Variants in TANGO6 observed in about 807,000 individuals in gnomAD.
The protein encoded by TANGO6 is transport and Golgi organization protein 6 homolog.
In TANGO6, 90 loss-of-function variants were observed where a neutral mutation model predicts 114.2. That is an observed-to-expected ratio of 0.79 (90% confidence interval 0.66 to 0.94). The LOEUF (loss-of-function observed/expected upper bound fraction) is 0.94, where lower values mean the gene tolerates loss of function less well. Ranked by LOEUF, TANGO6 falls within the 40% of genes least tolerant of loss-of-function variation. TANGO6 has a pLI of 0.00. For missense variants in TANGO6, 1,274 were observed against 1,315.3 expected, an observed-to-expected ratio of 0.97 and a Z score of 0.49; for synonymous variants, 477 against 509.8, an observed-to-expected ratio of 0.94 and a Z score of 0.87.
chr16:68,959,373 G>T (rs1963566149), intron 14 of TANGO6, among the ~76,000 whole-genome samples: 1 of 152,078 alleles, frequency 6.6e-6, no homozygotes, highest in African/African-American at 2.4e-5. Context: ...TGGATCATGA[G>T]GTCAGGAGTT....
chr16:68,899,536 A>T lies in TANGO6; in HGVS notation c.1378-898A>T, dbSNP rs374998657. Reference sequence around the variant, plus strand: ...TTTTTTTTTAATTTTTTTCATAGGCAGTAGTCAACATCCTCACACACTTAA... The same window carrying T: ...TTTTTTTTTAATTTTTTTCATAGGCTGTAGTCAACATCCTCACACACTTAA... On this transcript the variant is annotated intron_variant, in intron 7 of 17. Transcript: ENST00000261778. Among the ~76,000 whole-genome samples, 46 of 151,388 alleles carry T rather than the reference A, an allele frequency of 3.0e-4. 1 individual carries two copies. Among genetic ancestry groups the T allele is most frequent in the African/African-American group, 1.0e-3 (43 of 41,186 alleles).
intron 7 of TANGO6, among the ~76,000 whole-genome samples, chr16:68,887,231 C>T (rs1029157683): frequency 1.2e-4 from 18 of 152,182 alleles, no homozygotes; most frequent in Non-Finnish European, 2.9e-5. Flanking sequence ...CTTGGTGCCT[C>T]ACTTGGCATT....
chr16:68,886,957 G>A (rs891813770), intron 7 of TANGO6, among the ~76,000 whole-genome samples: 1 of 151,918 alleles, frequency 6.6e-6, no homozygotes, highest in African/African-American at 2.4e-5. Context: ...ACAGGCGCCA[G>A]CCACCACACC....
At chr16:69,059,436 C>T (rs1056848781) in intron 17 of TANGO6, among the ~76,000 whole-genome samples, 1 of 151,858 alleles carries the variant, frequency 6.6e-6, no homozygotes, top group African/African-American at 2.4e-5. Flanking sequence ...GAACTCCTGA[C>T]CTTAGGTGTT....
At chr16:69,014,356 GC>G (rs1157515711) in intron 15 of TANGO6, among the ~76,000 whole-genome samples, 2 of 150,222 alleles carry the variant, frequency 1.3e-5, no homozygotes, top group South Asian at 4.2e-4. Flanking sequence ...GAGTCTTCTA[GC>G]AGACTTTCCT....
chr16:69,004,292 C>T (rs1319829906), intron 15 of TANGO6, among the ~76,000 whole-genome samples: 1 of 151,962 alleles, frequency 6.6e-6, no homozygotes, highest in Non-Finnish European at 1.5e-5. Flanking sequence ...AAACTCTAGT[C>T]ATGAGATAGT....
chr16:69,080,895 T>C (rs1960454590), intron 17 of TANGO6, among the ~76,000 whole-genome samples: 1 of 152,048 alleles, frequency 6.6e-6, no homozygotes, highest in South Asian at 2.1e-4. Flanking sequence ...TCCCAGCACT[T>C]TGGGAGGCCG....
chr16:68,925,307 C>T (rs1052808386), intron 12 of TANGO6, among the ~76,000 whole-genome samples: 3 of 151,998 alleles, frequency 2.0e-5, no homozygotes, highest in Admixed American at 2.0e-4. Context: ...AAGACTCTGT[C>T]TCAAAAAAAA....
Position 69,083,632 on chromosome 16 carries a change from C to T in TANGO6, c.3256C>T (p.Leu1086=), listed in dbSNP as rs116252558. 1 of 1,569,370 alleles carries T rather than the reference C, an allele frequency of 6.4e-7. No individual in the cohort carries two copies. Among genetic ancestry groups the T allele is most frequent in the African/African-American group, 1.4e-5 (1 of 73,998 alleles). The stretch of plus-strand genomic sequence containing the variant: ...AAACTTCCTGTTCCCTCCACAGAAG[C>T]TGGAGAAGAAGATCATGGTCCTGCC... ...MKNFLFPPQK[L]EKKIMVLP Residue 1086 remains leucine, a synonymous_variant, in exon 18 of 18, where the codon CTG becomes TTG. Coordinates refer to ENST00000261778, the MANE Select transcript of TANGO6 (RefSeq NM_024562.2).
chr16:69,032,448 A>G (rs1013055868), intron 16 of TANGO6, among the ~76,000 whole-genome samples: 7 of 151,860 alleles, frequency 4.6e-5, no homozygotes, highest in Non-Finnish European at 1.0e-4. Context: ...TTCTATTTTT[A>G]GTAGAGGCAG....
intron 17 of TANGO6, among the ~76,000 whole-genome samples, chr16:69,042,363 A>G (rs982580746): frequency 2.7e-4 from 41 of 152,138 alleles, no homozygotes; most frequent in African/African-American, 9.2e-4. Context: ...CCTGGCCAAC[A>G]TGGTGAAACC....
chr16:68,919,589 T>A (rs1963060796), intron 12 of TANGO6, among the ~76,000 whole-genome samples: 1 of 152,202 alleles, frequency 6.6e-6, no homozygotes, highest in African/African-American at 2.4e-5. Context: ...CCTCAACTGG[T>A]TGCATAGGAT....
At chr16:69,067,518 CAAAAAAAAAAA>C (rs1199698790) in intron 17 of TANGO6, among the ~76,000 whole-genome samples, 1 of 43,712 alleles carries the variant, frequency 2.3e-5, no homozygotes, top group African/African-American at 9.8e-5. Flanking sequence ...AACTCCATCT[CAAAAAAAAAAA>C]AAAAAAAACG....
intron 17 of TANGO6, among the ~76,000 whole-genome samples, chr16:69,067,937 C>CA (rs1217551130): frequency 0.045 from 2,984 of 66,448 alleles, 61 homozygotes; most frequent in Non-Finnish European, 0.05. Context: ...AACTCTGTCT[C>CA]AAAAAAAAAA....
intron 9 of TANGO6, among the ~76,000 whole-genome samples, chr16:68,905,877 T>C (rs1466326474): frequency 6.6e-6 from 1 of 151,578 alleles, no homozygotes; most frequent in African/African-American, 2.4e-5. Context: ...GTCTCAAAAA[T>C]TAAAAAAGAA....
At position 69,079,950 on chromosome 16, in the gene TANGO6, G is replaced by GTGGCTTA. The variant is rs563662994; in HGVS notation, c.3109-3532_3109-3526dup. ...CAGAATGCATATTGCACTGGGCACA[G>GTGGCTTA]TGGCTTATGCCTCTAATCTTGACTA... On this transcript the variant is annotated intron_variant, in intron 17 of 17. Coordinates refer to ENST00000261778, the MANE Select transcript of TANGO6 (RefSeq NM_024562.2). 5.3e-4 allele frequency among the ~76,000 whole-genome samples: 80 copies of GTGGCTTA among 152,356 alleles called. No individual in the cohort carries two copies. In the South Asian group the frequency reaches 0.016, roughly 30 times the overall value.
At chr16:68,890,274 A>T (rs1215516370) in intron 7 of TANGO6, among the ~76,000 whole-genome samples, 2 of 152,238 alleles carry the variant, frequency 1.3e-5, no homozygotes, top group Non-Finnish European at 2.9e-5. Context: ...AACATATAAA[A>T]CATTTAGGAA....
chr16:68,928,626 C>T (rs1963202181), intron 13 of TANGO6, among the ~76,000 whole-genome samples: 1 of 151,950 alleles, frequency 6.6e-6, no homozygotes, highest in Admixed American at 6.6e-5. Flanking sequence ...GCAAGAAATG[C>T]TGTGGGCAGT....
chr16:68,975,385 G>A (rs1021734285), intron 15 of TANGO6, among the ~76,000 whole-genome samples: 1 of 150,802 alleles, frequency 6.6e-6, no homozygotes, highest in African/African-American at 2.4e-5. Flanking sequence ...GAACTGCCGC[G>A]CTTTTTTTTT....
Sources: allele counts gnomAD v4.1 joint callset (sites outside exome capture counted in the v4.1 genomes callset), GRCh38; gene constraint gnomAD v4.1.1; transcripts MANE v1.5; gene names NCBI Gene and HGNC (gene_info 2026-07-23, HGNC 2026-07-21).